APOBEC3F: variants seen among roughly 807,000 people sequenced by gnomAD.
The protein encoded by APOBEC3F is DNA dC->dU-editing enzyme APOBEC-3F.
APOBEC3F carries 34 observed loss-of-function variants against 45.8 expected under a neutral mutation model. The ratio of observed to expected loss-of-function variants is 0.74; its 90% CI spans 0.57 to 0.99. APOBEC3F has a LOEUF of 0.99. Ranked by LOEUF, APOBEC3F falls within the 50% of genes least tolerant of loss-of-function variation. The pLI, the probability that APOBEC3F is intolerant of heterozygous loss-of-function variation, is 0.00. For synonymous variants in APOBEC3F, 192 were observed against 174.4 expected (o/e 1.10, Z -0.80); for missense variants, 459 against 474.1 (o/e 0.97, Z 0.30).
rs1927385175 is a variant in APOBEC3F at position 39,049,566 on chromosome 22, C to T, written c.708C>T (p.Gly236=). 10 of 1,614,066 alleles carry T rather than the reference C, an allele frequency of 6.2e-6. No individual in the cohort carries two copies. The highest frequency in any genetic ancestry group is 4.5e-5 in the East Asian group (2 of 44,890). Residue 236 remains glycine, a synonymous_variant, in exon 5 of 7, where the codon GGC becomes GGT. Coordinates refer to ENST00000308521, the MANE Select transcript of APOBEC3F (RefSeq NM_145298.6). The stretch of plus-strand genomic sequence containing the variant: ...ACTCACCTGTCTCCTGGAAGAGGGG[C>T]GTCTTCCGAAACCAGGTAGCACCAA... ...KHHSPVSWKR[G]VFRNQVDPET...
Position 39,052,168 on chromosome 22 carries a change from G to T in APOBEC3F, c.818G>T (p.Trp273Leu). ...CCTAACACAAACTACGAGGTCACCT[G>T]GTACACATCTTGGAGCCCTTGCCCA... ...LSPNTNYEVTWYTSWSPCPEC... is the reference protein window; with the variant it reads ...LSPNTNYEVTLYTSWSPCPEC... The change falls in exon 6 of 7, where the codon TGG becomes TTG. Residue 273 changes from tryptophan to leucine, a missense_variant. Transcript: ENST00000308521. 1 of 1,614,108 alleles carries T rather than the reference G, an allele frequency of 6.2e-7. No individual in the cohort carries two copies. Among genetic ancestry groups the T allele is most frequent in the Non-Finnish European group, 8.5e-7 (1 of 1,179,986 alleles).
chr22:39,045,996 C>T (rs1293542514), intron 4 of APOBEC3F, among the ~76,000 whole-genome samples: 4 of 152,188 alleles, frequency 2.6e-5, no homozygotes, highest in Non-Finnish European at 5.9e-5. Flanking sequence ...AAGATGCCCC[C>T]GGGCCGGGTG....
chr22:39,053,408 A>G lies in APOBEC3F; in HGVS notation c.*713A>G, dbSNP rs2146352734. ...AGAATCGCTTGAGCCCAGGAATTCG[A>G]GACCAGCCTGGGCCACATGACAAAG... On this transcript the variant is annotated 3_prime_UTR_variant, in exon 7 of 7. Coordinates refer to ENST00000308521, the MANE Select transcript of APOBEC3F (RefSeq NM_145298.6). 1 of 151,828 alleles carries G rather than the reference A, an allele frequency of 6.6e-6. No homozygotes were observed. Among genetic ancestry groups the G allele is most frequent in the East Asian group, 1.9e-4 (1 of 5,172 alleles). The allele number at this position is 151,828 out of a possible 1,614,324, so 9.4% of individuals were successfully genotyped here.
chr22:39,047,198 T>C lies in APOBEC3F; in HGVS notation c.566+1656T>C, dbSNP rs937516006. Among the ~76,000 whole-genome samples, 112 of 152,184 alleles carry C rather than the reference T, an allele frequency of 7.4e-4. 1 individual carries two copies. Among genetic ancestry groups the C allele is most frequent in the African/African-American group, 2.6e-3 (106 of 41,530 alleles). ...CTATTCCTCCCTCCAATGGTGGCCT[T>C]TGAATGTGAAGGCAAGGGGGAAGCA... On this transcript the variant is annotated intron_variant, in intron 4 of 6. Coordinates refer to ENST00000308521, the MANE Select transcript of APOBEC3F (RefSeq NM_145298.6).
intron 2 of APOBEC3F, chr22:39,044,357 G>T: frequency 7.1e-7 from 1 of 1,399,424 alleles, no homozygotes; most frequent in Non-Finnish European, 9.3e-7. Flanking sequence ...GGTGCACTTT[G>T]TGATGATGCT....
chr22:39,042,397 C>A (rs34578907), intron 1 of APOBEC3F, among the ~76,000 whole-genome samples: 1 of 151,290 alleles, frequency 6.6e-6, no homozygotes, highest in African/African-American at 2.4e-5. Context: ...CTACAACCTC[C>A]GCCTCCCAGG....
At chr22:39,041,429 G>A (rs1337251234) in intron 1 of APOBEC3F, among the ~76,000 whole-genome samples, 5 of 151,876 alleles carry the variant, frequency 3.3e-5, no homozygotes, top group Admixed American at 3.3e-4. Context: ...AGGGTGTGGG[G>A]AGGGAATGGT....
In APOBEC3F at chr22:39,052,629, G is replaced by A; in HGVS notation, c.1056G>A (p.Lys352=). 1.9e-6 allele frequency: 3 copies of A among 1,614,050 alleles called. No individual in the cohort carries two copies. Among genetic ancestry groups the A allele is most frequent in the South Asian group, 2.2e-5 (2 of 91,070 alleles). The change falls in exon 7 of 7, where the codon AAG becomes AAA. Residue 352 remains lysine, a synonymous_variant. Coordinates refer to ENST00000308521, the MANE Select transcript of APOBEC3F (RefSeq NM_145298.6). The part of the protein sequence containing the change: ...NFVYNDDEPF[K]PWKGLKYNFL... ...TGTACAATGATGATGAGCCATTCAA[G>A]CCTTGGAAAGGACTAAAATACAACT...
intron 1 of APOBEC3F, among the ~76,000 whole-genome samples, chr22:39,041,877 C>A (rs1242334844): frequency 6.6e-6 from 1 of 151,696 alleles, no homozygotes; most frequent in Non-Finnish European, 1.5e-5. Flanking sequence ...GAAAAAAAAA[C>A]AAAAACAAAA....
At chr22:39,047,893 TC>T (rs2146346482) in intron 4 of APOBEC3F, among the ~76,000 whole-genome samples, 1 of 152,270 alleles carries the variant, frequency 6.6e-6, no homozygotes, top group African/African-American at 2.4e-5. Context: ...TCTCAGCACT[TC>T]CATGGAATTT....
chr22:39,044,506 G>A (rs1927102151), intron 2 of APOBEC3F: 1 of 799,664 alleles, frequency 1.3e-6, no homozygotes, highest in Non-Finnish European at 1.8e-6. Context: ...GGGGGTAAAG[G>A]TTGTTGCCAG....
rs1246437307 is a variant in APOBEC3F, at chr22:39,055,871, T to C, written c.*3176T>C. Among the ~76,000 whole-genome samples, 1 of 152,094 alleles carries C rather than the reference T, an allele frequency of 6.6e-6. No individual in the cohort carries two copies. Among genetic ancestry groups the C allele is most frequent in the Non-Finnish European group, 1.5e-5 (1 of 68,020 alleles). Reference sequence around the variant, plus strand: ...CCCTTTCACGTGGACCCCTTAGAATTGTAAGCCCTTAAAAGGGCCAGGGAC... The same window carrying C: ...CCCTTTCACGTGGACCCCTTAGAATCGTAAGCCCTTAAAAGGGCCAGGGAC... On this transcript the variant is annotated 3_prime_UTR_variant, in exon 7 of 7. Coordinates refer to ENST00000308521, the MANE Select transcript of APOBEC3F (RefSeq NM_145298.6).
intron 2 of APOBEC3F, 47 bp downstream of exon 2, chr22:39,043,137 T>G (rs1354009604): frequency 6.2e-7 from 1 of 1,607,480 alleles, no homozygotes; most frequent in African/African-American, 1.3e-5. Context: ...CTAAGCCAGC[T>G]GGGAAAGCAA....
intron 2 of APOBEC3F, among the ~76,000 whole-genome samples, chr22:39,044,620 C>G (rs918546712): frequency 1.3e-5 from 2 of 152,114 alleles, no homozygotes; most frequent in Admixed American, 6.6e-5. Flanking sequence ...TACTGCCCCC[C>G]CAGCTAGAGG....
intron 5 of APOBEC3F, among the ~76,000 whole-genome samples, chr22:39,051,552 GA>G (rs1263007866): frequency 2.1e-5 from 3 of 143,818 alleles, no homozygotes. Flanking sequence ...AAAAAAAAAA[GA>G]AAGAAAAAGA....
intron 2 of APOBEC3F, among the ~76,000 whole-genome samples, 164 bp downstream of exon 2, chr22:39,043,254 G>T (rs1402211154): frequency 6.6e-6 from 1 of 151,662 alleles, no homozygotes; most frequent in African/African-American, 2.4e-5. Flanking sequence ...ACCGTCCTGG[G>T]ATCGGATCGT....
chr22:39,048,095 A>T (rs1276673866), intron 4 of APOBEC3F, among the ~76,000 whole-genome samples: 1 of 152,188 alleles, frequency 6.6e-6, no homozygotes, highest in Non-Finnish European at 1.5e-5. Flanking sequence ...AACCTGCAAC[A>T]TGGAGTGTAG....
Position 39,054,940 on chromosome 22 carries a change from A to G in APOBEC3F, c.*2245A>G, listed in dbSNP as rs1601506247. ...CACAGATATGGAGGCTACAAGTCCA[A>G]GGTGGAGGGGTCGGCGGGGTTGTTT... is the stretch of plus-strand genomic sequence containing the variant. On this transcript the variant is annotated 3_prime_UTR_variant, in exon 7 of 7. Transcript: ENST00000308521. Among the ~76,000 whole-genome samples, 2 of 152,152 alleles carry G rather than the reference A, an allele frequency of 1.3e-5. No individual in the cohort carries two copies. Among genetic ancestry groups the G allele is most frequent in the African/African-American group, 4.8e-5 (2 of 41,430 alleles).
Position 39,047,689 on chromosome 22 carries a change from A to G in APOBEC3F, c.567-1736A>G, listed in dbSNP as rs35268988. 1.9e-3 allele frequency among the ~76,000 whole-genome samples: 290 copies of G among 149,686 alleles called. 1 individual carries two copies. The highest frequency in any genetic ancestry group is 6.9e-3 in the African/African-American group (280 of 40,466). Reference sequence around the variant, plus strand: ...TGCCCTGCTATGTGGTCGCCCCTTTACAGCTTCTGAATGGGCCATCTCCCC... The same window carrying G: ...TGCCCTGCTATGTGGTCGCCCCTTTGCAGCTTCTGAATGGGCCATCTCCCC... On this transcript the variant is annotated intron_variant, in intron 4 of 6. Coordinates refer to ENST00000308521, the MANE Select transcript of APOBEC3F (RefSeq NM_145298.6).
Sources: allele counts gnomAD v4.1 joint callset (sites outside exome capture counted in the v4.1 genomes callset), GRCh38; gene constraint gnomAD v4.1.1; transcripts MANE v1.5; gene names NCBI Gene and HGNC (gene_info 2026-07-23, HGNC 2026-07-21).